Variants in MGLL observed in about 807,000 individuals in gnomAD.
MGLL encodes the protein monoglyceride lipase.
In MGLL, 7 loss-of-function variants were observed where a neutral mutation model predicts 29.1. That is an observed-to-expected ratio of 0.24 (90% CI 0.14 to 0.45). MGLL has a LOEUF of 0.45. Ranked by LOEUF, MGLL falls within the 20% of genes least tolerant of loss-of-function variation. The pLI, the probability that MGLL is intolerant of heterozygous loss-of-function variation, is 0.99. For missense variants in MGLL, 356 were observed against 413.6 expected (o/e 0.86, Z 1.21); for synonymous variants, 148 against 168.3 (o/e 0.88, Z 0.93).
chr3:127,713,143 AT>A (rs1341680055), intron 5 of MGLL: 1 of 152,224 alleles, frequency 6.6e-6, no homozygotes, highest in African/African-American at 2.4e-5. Flanking sequence ...ACTTCTAGAT[AT>A]TCTGCTGTTC....
At chr3:127,780,047 C>T (rs1290970514) in intron 3 of MGLL, among the ~76,000 whole-genome samples, 1 of 152,198 alleles carries the variant, frequency 6.6e-6, no homozygotes, top group Admixed American at 6.5e-5. Context: ...CAGCCATTTT[C>T]GCACTATATT....
chr3:127,821,615 T>C lies in MGLL; in HGVS notation c.155+79A>G, dbSNP rs559062030. ...ATAGAGAAAGCGGCCCCGCCCCAGA[T>C]GGCACATGATAACGACCAGAGGAGA... On this transcript the variant is annotated intron_variant, in intron 2 of 7. Coordinates refer to ENST00000265052, the MANE Select transcript of MGLL (RefSeq NM_007283.7). 31 of 1,551,412 alleles carry C rather than the reference T, an allele frequency of 2.0e-5. 1 individual carries two copies. The highest frequency in any genetic ancestry group is 1.9e-4 in the African/African-American group (14 of 73,632).
chr3:127,776,815 G>A (rs1315639784), intron 3 of MGLL, among the ~76,000 whole-genome samples: 1 of 152,168 alleles, frequency 6.6e-6, no homozygotes, highest in Non-Finnish European at 1.5e-5. Context: ...AACTCTTCCA[G>A]TCATTCAGCA....
At chr3:127,821,915 C>G in intron 1 of MGLL, 77 bp from the exon 2 acceptor site, 1 of 1,469,440 alleles carries the variant, frequency 6.8e-7, no homozygotes, top group Non-Finnish European at 9.3e-7. Flanking sequence ...AAGTCTAGTT[C>G]AGAGTCAGTA....
In MGLL at chr3:127,789,308, G is replaced by A. The variant is rs147014852; in HGVS notation, c.156-7413C>T. On this transcript the variant is annotated intron_variant, in intron 2 of 7. Transcript: ENST00000265052. ...GAGCCCTGGGCTAGGATGTGAAAAG[G>A]CCCGGGACCCATCTACGGCTGGAAG... Among the ~76,000 whole-genome samples, 688 of 152,330 alleles carry A rather than the reference G, an allele frequency of 4.5e-3. 5 individuals carry two copies. The highest frequency in any genetic ancestry group is 0.016 in the African/African-American group (671 of 41,576).
intron 2 of MGLL, among the ~76,000 whole-genome samples, chr3:127,791,040 T>A (rs1000338913): frequency 3.3e-5 from 5 of 152,300 alleles, no homozygotes; most frequent in Non-Finnish European, 7.3e-5. Flanking sequence ...GGTTGTGCTG[T>A]GCCTGCCCAA....
intron 3 of MGLL, among the ~76,000 whole-genome samples, chr3:127,766,592 G>C (rs1049137339): frequency 6.6e-6 from 1 of 152,126 alleles, no homozygotes; most frequent in Non-Finnish European, 1.5e-5. Context: ...AAAGGGTGCT[G>C]TGTCCTCAAA....
At chr3:127,753,858 G>A (rs933079346) in intron 3 of MGLL, among the ~76,000 whole-genome samples, 5 of 152,154 alleles carry the variant, frequency 3.3e-5, no homozygotes, top group Non-Finnish European at 7.4e-5. Flanking sequence ...GGTCTCCACC[G>A]GCCCTACAGG....
At chr3:127,777,608 C>T (rs1250182651) in intron 3 of MGLL, among the ~76,000 whole-genome samples, 2 of 147,498 alleles carry the variant, frequency 1.4e-5, no homozygotes, top group African/African-American at 4.9e-5. Context: ...AGTGCCCACA[C>T]AGATGAAAGC....
chr3:127,784,793 C>T (rs2077185801), intron 2 of MGLL, among the ~76,000 whole-genome samples: 1 of 152,192 alleles, frequency 6.6e-6, no homozygotes, highest in African/African-American at 2.4e-5. Flanking sequence ...CTCCCCTTCC[C>T]CCTGGCTGCC....
chr3:127,785,187 T>C (rs2077191977), intron 2 of MGLL, among the ~76,000 whole-genome samples: 1 of 152,000 alleles, frequency 6.6e-6, no homozygotes, highest in Admixed American at 6.5e-5. Context: ...CTGTGAGACC[T>C]TCCCCCCTCC....
rs544340825 is a variant in MGLL at position 127,760,680 on chromosome 3, G to A, written c.262+21109C>T. ...TGGGGGCTGTGCCCCACGCCAAGCTGCTCAGAGGCACAGCACTGATTGGGG... is the reference window on the plus strand; with the variant it reads ...TGGGGGCTGTGCCCCACGCCAAGCTACTCAGAGGCACAGCACTGATTGGGG... On this transcript the variant is annotated intron_variant, in intron 3 of 7. Transcript: ENST00000265052. Among the ~76,000 whole-genome samples, 5 of 152,358 alleles carry A rather than the reference G, an allele frequency of 3.3e-5. No homozygotes were observed. In the South Asian group the frequency reaches 1.0e-3, roughly 32 times the overall value.
intron 3 of MGLL, among the ~76,000 whole-genome samples, chr3:127,734,932 A>G (rs544008909): frequency 2.6e-5 from 4 of 152,364 alleles, no homozygotes; most frequent in South Asian, 4.1e-4. Flanking sequence ...GAAGTCAGCC[A>G]GCATCAGAAA....
At chr3:127,815,254 C>G (rs1482244139) in intron 2 of MGLL, among the ~76,000 whole-genome samples, 2 of 152,214 alleles carry the variant, frequency 1.3e-5, no homozygotes, top group African/African-American at 4.8e-5. Flanking sequence ...CCGCAGCTTG[C>G]GATGATCCCA....
intron 3 of MGLL, among the ~76,000 whole-genome samples, chr3:127,726,172 GAAAGAAAGAAAGA>G (rs753538004): frequency 0.057 from 2,099 of 36,868 alleles, 20 homozygotes; most frequent in Non-Finnish European, 0.073. Context: ...AAGAAAGAAA[GAAAGAAAGAAAGA>G]AAAGAAAAGA....
intron 2 of MGLL, among the ~76,000 whole-genome samples, chr3:127,809,696 G>A (rs1305177110): frequency 6.6e-6 from 1 of 151,884 alleles, no homozygotes; most frequent in Admixed American, 6.6e-5. Flanking sequence ...CAAGAAAGAA[G>A]TGAGGATGGC....
At chr3:127,800,215 G>T (rs1246493020) in intron 2 of MGLL, among the ~76,000 whole-genome samples, 1 of 152,162 alleles carries the variant, frequency 6.6e-6, no homozygotes, top group Admixed American at 6.5e-5. Flanking sequence ...TCCCTGAATG[G>T]CCATGTGGAG....
chr3:127,734,005 G>C (rs1306667117), intron 3 of MGLL, among the ~76,000 whole-genome samples: 1 of 152,222 alleles, frequency 6.6e-6, no homozygotes, highest in Non-Finnish European at 1.5e-5. Flanking sequence ...GCAGAGGAAA[G>C]TGGGCGTTCC....
intron 6 of MGLL, among the ~76,000 whole-genome samples, chr3:127,705,119 G>C (rs767285074): frequency 6.6e-6 from 1 of 151,902 alleles, no homozygotes; most frequent in Non-Finnish European, 1.5e-5. Flanking sequence ...ACTAACGCAG[G>C]AACTGAAAAC....
Sources: allele counts gnomAD v4.1 joint callset (sites outside exome capture counted in the v4.1 genomes callset), GRCh38; gene constraint gnomAD v4.1.1; transcripts MANE v1.5; gene names NCBI Gene and HGNC (gene_info 2026-07-23, HGNC 2026-07-21).